ATRNL1: variants seen among roughly 807,000 people sequenced by gnomAD.
ATRNL1 encodes attractin like 1.
ATRNL1 carries 95 observed loss-of-function variants against 182.7 expected under a neutral mutation model. The ratio of observed to expected loss-of-function variants is 0.52; its 90% CI spans 0.44 to 0.62. The LOEUF is 0.62. Ranked by LOEUF, ATRNL1 falls within the 20% of genes least tolerant of loss-of-function variation. The probability of loss-of-function intolerance (pLI) is 0.00; values close to 1 mark genes in which losing one functional copy is unlikely to be tolerated. For synonymous variants in ATRNL1, 576 were observed against 568.3 expected, an observed-to-expected ratio of 1.01 and a Z score of -0.19; for missense variants, 1,471 against 1,679.5, an observed-to-expected ratio of 0.88 and a Z score of 2.17.
In ATRNL1 at chr10:115,746,919, T is replaced by C. The variant is rs972506656; in HGVS notation, c.3903+19564T>C. The stretch of plus-strand genomic sequence containing the variant: ...ATTTCAGTTGAAGTGTGAGTATCTG[T>C]AGTTTATTATATTCCAGACAGTATA... On this transcript the variant is annotated intron_variant, in intron 27 of 28. Coordinates refer to ENST00000355044, the MANE Select transcript of ATRNL1 (RefSeq NM_207303.4). 2.6e-5 allele frequency among the ~76,000 whole-genome samples: 4 copies of C among 152,082 alleles called. No homozygotes were observed. The South Asian group carries it at 6.2e-4, about 24-fold the overall frequency.
chr10:115,254,685 G>C lies in ATRNL1; in HGVS notation c.1688-10508G>C, dbSNP rs189760630. ...TTTGGCTTTTGTTGCCATTGCTTTG[G>C]TGTTTTAGTCATGAAGTCCTTGCCC... On this transcript the variant is annotated intron_variant, in intron 10 of 28. Transcript: ENST00000355044. Among the ~76,000 whole-genome samples, 1,017 of 152,094 alleles carry C rather than the reference G, an allele frequency of 6.7e-3. 9 individuals are homozygous for C. Among genetic ancestry groups the C allele is most frequent in the African/African-American group, 0.024 (977 of 41,432 alleles).
chr10:115,772,597 C>CTGTCTG (rs1480119913), intron 27 of ATRNL1, among the ~76,000 whole-genome samples: 1 of 140,350 alleles, frequency 7.1e-6, no homozygotes, highest in African/African-American at 2.6e-5. Flanking sequence ...TATACTCTGT[C>CTGTCTG]TGTGTGTGTG....
At chr10:115,343,834 C>T (rs1393410722) in intron 19 of ATRNL1, among the ~76,000 whole-genome samples, 3 of 152,176 alleles carry the variant, frequency 2.0e-5, no homozygotes, top group Non-Finnish European at 4.4e-5. Context: ...TTAGTTGTAT[C>T]TGCTATAGGG....
intron 26 of ATRNL1, among the ~76,000 whole-genome samples, chr10:115,647,640 TG>T (rs1328588733): frequency 6.6e-6 from 1 of 152,186 alleles, no homozygotes; most frequent in Non-Finnish European, 1.5e-5. Context: ...CACTTTTTGA[TG>T]GGGTTGTTTG....
intron 9 of ATRNL1, among the ~76,000 whole-genome samples, chr10:115,238,728 A>C (rs1216441808): frequency 6.6e-6 from 1 of 152,104 alleles, no homozygotes; most frequent in Non-Finnish European, 1.5e-5. Flanking sequence ...CAATCTGTAT[A>C]TCTTTTATTT....
chr10:115,810,314 A>T (rs1206023446), intron 27 of ATRNL1, among the ~76,000 whole-genome samples: 1 of 151,938 alleles, frequency 6.6e-6, no homozygotes, highest in African/African-American at 2.4e-5. Context: ...GACTGGGGAC[A>T]TGTTTCCTCC....
chr10:115,367,538 CCAGCTTTGTTCCGTT>C lies in ATRNL1; in HGVS notation c.3176-27120_3176-27106del, dbSNP rs1244005191. ...TCAGCTCGTCAAAGTCATTCTCCATCCAGCTTTGTTCCGTTGCTGGTGAGGAACTGCGTCCCTTTG... is the reference window on the plus strand; with the variant it reads ...TCAGCTCGTCAAAGTCATTCTCCATCGCTGGTGAGGAACTGCGTCCCTTTG... On this transcript the variant is annotated intron_variant, in intron 19 of 28. Transcript: ENST00000355044. Among the ~76,000 whole-genome samples, 3 of 152,042 alleles carry C rather than the reference CCAGCTTTGTTCCGTT, an allele frequency of 2.0e-5. No individual in the cohort carries two copies. The East Asian group carries it at 5.8e-4, about 29-fold the overall frequency.
At chr10:115,902,483 C>G (rs555562345) in intron 28 of ATRNL1, among the ~76,000 whole-genome samples, 23 of 152,226 alleles carry the variant, frequency 1.5e-4, no homozygotes, top group African/African-American at 5.5e-4. Context: ...GATCTATTCT[C>G]CCCTTGATAC....
At position 115,905,341 on chromosome 10, in the gene ATRNL1, C is replaced by T. The variant is rs115868891; in HGVS notation, c.4019-39317C>T. ...GCTCAAGCGATCCTCGTACCTCAGC[C>T]TCCCGAGTAGCTGGGACCATATGCC... On this transcript the variant is annotated intron_variant, in intron 28 of 28. Transcript: ENST00000355044. Among the ~76,000 whole-genome samples, 561 of 152,120 alleles carry T rather than the reference C, an allele frequency of 3.7e-3. 3 individuals carry two copies. Among genetic ancestry groups the T allele is most frequent in the African/African-American group, 0.013 (536 of 41,474 alleles).
intron 26 of ATRNL1, among the ~76,000 whole-genome samples, chr10:115,700,132 T>G (rs576555815): frequency 6.6e-6 from 1 of 152,312 alleles, no homozygotes; most frequent in South Asian, 2.1e-4. Flanking sequence ...CATTGTGAAT[T>G]GTACTGGAAT....
intron 24 of ATRNL1, among the ~76,000 whole-genome samples, chr10:115,491,075 A>G (rs1376249345): frequency 6.6e-6 from 1 of 152,174 alleles, no homozygotes; most frequent in Non-Finnish European, 1.5e-5. Context: ...GCAAAACAGC[A>G]AAGATTGCTG....
intron 8 of ATRNL1, among the ~76,000 whole-genome samples, chr10:115,189,617 A>T (rs1222213595): frequency 2.0e-5 from 3 of 152,096 alleles, no homozygotes; most frequent in South Asian, 2.1e-4. Flanking sequence ...TAAGGAAAAA[A>T]TTTTTATAGC....
chr10:115,479,593 T>G (rs1554973764), intron 24 of ATRNL1, among the ~76,000 whole-genome samples: 1 of 151,440 alleles, frequency 6.6e-6, no homozygotes, highest in Non-Finnish European at 1.5e-5. Context: ...GAAATTCTAG[T>G]GACTGTGAGA....
chr10:115,434,804 G>A (rs1470617926), intron 21 of ATRNL1, among the ~76,000 whole-genome samples: 5 of 152,030 alleles, frequency 3.3e-5, no homozygotes, highest in Non-Finnish European at 5.9e-5. Context: ...AGAATAGTAA[G>A]AAATTCCTAC....
intron 8 of ATRNL1, among the ~76,000 whole-genome samples, chr10:115,194,457 T>C (rs1345566281): frequency 6.6e-6 from 1 of 152,048 alleles, no homozygotes; most frequent in East Asian, 1.9e-4. Flanking sequence ...TGTCTCTTTT[T>C]GCAGTTTTTT....
intron 26 of ATRNL1, among the ~76,000 whole-genome samples, chr10:115,711,037 A>G (rs1947048421): frequency 6.6e-6 from 1 of 152,044 alleles, no homozygotes; most frequent in South Asian, 2.1e-4. Flanking sequence ...TAGCATAGCT[A>G]TTGTTGGTGG....
intron 26 of ATRNL1, among the ~76,000 whole-genome samples, chr10:115,665,650 A>G (rs527704187): frequency 6.6e-6 from 1 of 152,298 alleles, no homozygotes; most frequent in South Asian, 2.1e-4. Flanking sequence ...ACATATATTT[A>G]AGAATTACTA....
chr10:115,700,686 A>C (rs1946706477), intron 26 of ATRNL1, among the ~76,000 whole-genome samples: 1 of 152,066 alleles, frequency 6.6e-6, no homozygotes, highest in South Asian at 2.1e-4. Context: ...GCTTTAAACC[A>C]ATAACAGTAA....
chr10:115,638,321 C>A (rs1345384083), intron 26 of ATRNL1, among the ~76,000 whole-genome samples: 1 of 152,142 alleles, frequency 6.6e-6, no homozygotes, highest in Non-Finnish European at 1.5e-5. Flanking sequence ...GCCTAATATA[C>A]TCCATGATGT....
Sources: allele counts gnomAD v4.1 joint callset (sites outside exome capture counted in the v4.1 genomes callset), GRCh38; gene constraint gnomAD v4.1.1; transcripts MANE v1.5; gene names NCBI Gene and HGNC (gene_info 2026-07-23, HGNC 2026-07-21).